The following UBR3 variants were observed in gnomAD, a reference collection of about 807,000 sequenced individuals.
The protein encoded by UBR3 is E3 ubiquitin-protein ligase UBR3.
Under a neutral mutation model 243.2 loss-of-function variants are expected in UBR3, and 85 were observed. That is an observed-to-expected ratio of 0.35 (90% confidence interval 0.29 to 0.42). The LOEUF (loss-of-function observed/expected upper bound fraction) is 0.42. UBR3 is among the 10% of genes least tolerant of loss of function. UBR3 has a pLI of 1.00. For synonymous variants in UBR3, 748 were observed against 799.8 expected, an observed-to-expected ratio of 0.94 and a Z score of 1.09; for missense variants, 1,686 against 2,300.8, an observed-to-expected ratio of 0.73 and a Z score of 5.47.
chr2:169,988,150 C>T (rs1274048521), intron 25 of UBR3, among the ~76,000 whole-genome samples: 1 of 152,152 alleles, frequency 6.6e-6, no homozygotes, highest in African/African-American at 2.4e-5. Context: ...TTTTACTACT[C>T]TTAGGAAAGC....
chr2:169,986,793 A>G lies in UBR3; in HGVS notation c.3783A>G (p.Ser1261=). Residue 1261 remains serine, a splice_region_variant and synonymous_variant, in exon 25 of 39, where the codon TCA becomes TCG. Coordinates refer to ENST00000272793, the MANE Select transcript of UBR3 (RefSeq NM_172070.4). Reference sequence around the variant, plus strand: ...TAGTTGTACTGTTACAAGCATCCTCAGGTAAAATCAAAGTAATTTTTTCAT... The same window carrying G: ...TAGTTGTACTGTTACAAGCATCCTCGGGTAAAATCAAAGTAATTTTTTCAT... ...TGLVVLLQAS[S]VLGQCRDNVE... 6.2e-7 allele frequency: 1 copy of G among 1,613,566 alleles called. No individual in the cohort carries two copies. Among genetic ancestry groups the G allele is most frequent in the East Asian group, 2.2e-5 (1 of 44,862 alleles).
intron 31 of UBR3, among the ~76,000 whole-genome samples, chr2:170,036,479 G>T (rs1326330385): frequency 6.6e-6 from 1 of 151,720 alleles, no homozygotes; most frequent in Non-Finnish European, 1.5e-5. Context: ...TAACTGCCAG[G>T]ATTTTTTCTG....
At chr2:169,910,505 T>G (rs777103271) in intron 10 of UBR3, among the ~76,000 whole-genome samples, 7 of 152,130 alleles carry the variant, frequency 4.6e-5, no homozygotes, top group Non-Finnish European at 7.4e-5. Context: ...TAGTTCATAT[T>G]TCAGCTTTCA....
intron 1 of UBR3, among the ~76,000 whole-genome samples, chr2:169,834,691 C>A (rs1028686771): frequency 7.2e-5 from 11 of 152,166 alleles, no homozygotes. Context: ...ATATCAGATA[C>A]CTTATAATTT....
intron 18 of UBR3, among the ~76,000 whole-genome samples, chr2:169,929,086 ACT>A (rs2086017607): frequency 6.6e-6 from 1 of 152,166 alleles, no homozygotes; most frequent in African/African-American, 2.4e-5. Context: ...TTCTTAGATG[ACT>A]CTAAACTATA....
At chr2:170,011,145 C>T (rs1041818810) in intron 29 of UBR3, among the ~76,000 whole-genome samples, 2 of 151,990 alleles carry the variant, frequency 1.3e-5, no homozygotes, top group African/African-American at 4.8e-5. Flanking sequence ...TGCACTTCAG[C>T]TTGGGCAACA....
chr2:169,862,261 C>T (rs1054675776), intron 1 of UBR3, among the ~76,000 whole-genome samples: 1 of 151,972 alleles, frequency 6.6e-6, no homozygotes, highest in African/African-American at 2.4e-5. Context: ...TACTTAAACC[C>T]GTGTAGATGG....
intron 35 of UBR3, among the ~76,000 whole-genome samples, chr2:170,064,803 ATTTTTT>A: frequency 5.7e-5 from 5 of 87,876 alleles, no homozygotes; most frequent in Admixed American, 2.5e-4. Context: ...TGCTTTTTCT[ATTTTTT>A]TTTTTTTTTT....
chr2:169,829,653 G>C (rs947924580), intron 1 of UBR3, among the ~76,000 whole-genome samples: 2 of 152,078 alleles, frequency 1.3e-5, no homozygotes, highest in Admixed American at 1.3e-4. Flanking sequence ...CCGAACTCCC[G>C]ACCTCAGGTG....
chr2:170,049,159 G>GACCAGAAGCCTT (rs1424471717), intron 32 of UBR3, among the ~76,000 whole-genome samples: 1 of 152,104 alleles, frequency 6.6e-6, no homozygotes, highest in Non-Finnish European at 1.5e-5. Flanking sequence ...GCCTATTGCT[G>GACCAGAAGCCTT]ACCAGAAGCC....
intron 29 of UBR3, among the ~76,000 whole-genome samples, chr2:170,011,307 CTTAT>C (rs1487589081): frequency 4.9e-4 from 74 of 152,150 alleles, no homozygotes; most frequent in African/African-American, 1.7e-3. Flanking sequence ...TAACATATAA[CTTAT>C]TTATGCATAA....
At chr2:169,864,790 C>G (rs1449643755) in intron 1 of UBR3, among the ~76,000 whole-genome samples, 1 of 151,824 alleles carries the variant, frequency 6.6e-6, no homozygotes, top group African/African-American at 2.4e-5. Flanking sequence ...GCCTGTAGTC[C>G]CAGCTACTCG....
chr2:169,996,522 G>A (rs971246825), intron 26 of UBR3, among the ~76,000 whole-genome samples: 2 of 152,098 alleles, frequency 1.3e-5, no homozygotes, highest in African/African-American at 4.8e-5. Context: ...AGGCCTGTTA[G>A]ACAGTTTGGG....
intron 24 of UBR3, among the ~76,000 whole-genome samples, chr2:169,962,615 T>C (rs1228424549): frequency 6.6e-6 from 1 of 152,230 alleles, no homozygotes; most frequent in Non-Finnish European, 1.5e-5. Flanking sequence ...TTTAATTTTT[T>C]AATGTGTTTT....
At chr2:170,018,533 T>G (rs2090308010) in intron 30 of UBR3, among the ~76,000 whole-genome samples, 2 of 152,146 alleles carry the variant, frequency 1.3e-5, no homozygotes, top group African/African-American at 4.8e-5. Context: ...CTGCTGGACT[T>G]GTATTCAGCA....
At chr2:169,907,962 A>G (rs1184466093) in intron 10 of UBR3, among the ~76,000 whole-genome samples, 3 of 151,868 alleles carry the variant, frequency 2.0e-5, no homozygotes, top group Non-Finnish European at 2.9e-5. Flanking sequence ...AGTAAAGACA[A>G]GGTTTCACCA....
chr2:169,866,743 A>G (rs756029696), intron 1 of UBR3, among the ~76,000 whole-genome samples: 2 of 152,216 alleles, frequency 1.3e-5, no homozygotes, highest in African/African-American at 2.4e-5. Context: ...CCTTTATCAT[A>G]ATATGGCAGA....
At chr2:170,043,004 G>A (rs2091005592) in intron 32 of UBR3, among the ~76,000 whole-genome samples, 1 of 151,892 alleles carries the variant, frequency 6.6e-6, no homozygotes, top group Non-Finnish European at 1.5e-5. Context: ...TTAATCTAGG[G>A]AAACAGTTGC....
chr2:170,045,476 GA>G (rs2091061773), intron 32 of UBR3, among the ~76,000 whole-genome samples: 1 of 152,070 alleles, frequency 6.6e-6, no homozygotes, highest in Admixed American at 6.6e-5. Flanking sequence ...ATGCTGTATA[GA>G]ATACAGACTC....
Sources: gnomAD v4.1 joint callset for allele counts (sites outside exome capture counted in the v4.1 genomes callset) on GRCh38, gnomAD v4.1.1 for gene constraint, MANE v1.5 for transcripts, NCBI Gene and HGNC (gene_info 2026-07-23, HGNC 2026-07-21) for gene names.